Variants in NPR3 observed in about 807,000 individuals in gnomAD.
NPR3 encodes the protein atrial natriuretic peptide receptor 3.
In NPR3, 34 loss-of-function variants were observed where a neutral mutation model predicts 54.5. The ratio of observed to expected loss-of-function variants is 0.62; its 90% CI spans 0.47 to 0.83. The LOEUF is 0.83. Among genes scored for constraint, NPR3 ranks in the 40% least tolerant of loss-of-function variants. The pLI is 0.00. For missense variants in NPR3, 674 were observed against 720.8 expected (o/e 0.94, Z 0.74); for synonymous variants, 289 against 297.1 (o/e 0.97, Z 0.28).
chr5:32,729,778 A>C (rs1561091237), intron 2 of NPR3, among the ~76,000 whole-genome samples: 1 of 152,216 alleles, frequency 6.6e-6, no homozygotes, highest in Non-Finnish European at 1.5e-5. Flanking sequence ...ATATTCTGAG[A>C]CTGCTGTCAT....
chr5:32,756,933 T>G (rs560714135), intron 3 of NPR3, among the ~76,000 whole-genome samples: 3 of 152,234 alleles, frequency 2.0e-5, no homozygotes, highest in Non-Finnish European at 1.5e-5. Context: ...GTATTATTTC[T>G]GAGGGCTCTG....
intron 2 of NPR3, among the ~76,000 whole-genome samples, chr5:32,735,261 G>A (rs895206912): frequency 2.0e-5 from 3 of 152,000 alleles, no homozygotes; most frequent in African/African-American, 7.3e-5. Flanking sequence ...TCCTCCATCT[G>A]GCTCTGCTGC....
Position 32,697,189 on chromosome 5 carries a change from A to C in NPR3, c.100+8003A>C, listed in dbSNP as rs572126801. On this transcript the variant is annotated intron_variant, in intron 1 of 5. Coordinates refer to the NPR3 transcript ENST00000509104. ...TTTTTGAGGGCTTTTTAAATTGTGA[A>C]GGGATGTTGAATTATATTCAATGCT... 5.3e-5 allele frequency among the ~76,000 whole-genome samples: 8 copies of C among 152,232 alleles called. 1 individual carries two copies. The highest frequency in any genetic ancestry group is 3.4e-3 in the Middle Eastern group (1 of 294).
At chr5:32,769,981 G>T (rs1179877353) in intron 3 of NPR3, among the ~76,000 whole-genome samples, 2 of 152,204 alleles carry the variant, frequency 1.3e-5, no homozygotes, top group Admixed American at 1.3e-4. Flanking sequence ...AAGATAAACA[G>T]CAGCAACAAC....
intron 1 of NPR3, among the ~76,000 whole-genome samples, chr5:32,694,834 C>T (rs1163394742): frequency 6.6e-6 from 1 of 152,092 alleles, no homozygotes; most frequent in African/African-American, 2.4e-5. Flanking sequence ...CATTAACCAT[C>T]CCTATGTTCT....
intron 3 of NPR3, among the ~76,000 whole-genome samples, chr5:32,773,204 A>G (rs1741863587): frequency 6.6e-6 from 1 of 152,150 alleles, no homozygotes; most frequent in African/African-American, 2.4e-5. Flanking sequence ...TTGGCATTTC[A>G]TCACTGACAC....
chr5:32,737,451 T>C (rs1051868175), intron 2 of NPR3, among the ~76,000 whole-genome samples: 8 of 152,146 alleles, frequency 5.3e-5, no homozygotes, highest in Admixed American at 1.3e-4. Context: ...TCAGGAAGAG[T>C]AGAGTGAGTG....
At chr5:32,729,027 T>TG (rs1554014404) in intron 2 of NPR3, among the ~76,000 whole-genome samples, 13 of 96,378 alleles carry the variant, frequency 1.3e-4, no homozygotes, top group African/African-American at 4.5e-4. Flanking sequence ...TTTTTTTTTT[T>TG]TTGTTTTGTT....
chr5:32,735,931 C>A (rs1171212907), intron 2 of NPR3, among the ~76,000 whole-genome samples: 1 of 151,956 alleles, frequency 6.6e-6, no homozygotes, highest in African/African-American at 2.4e-5. Context: ...TTCATTTTTT[C>A]TAGGAAGCAA....
At chr5:32,770,206 C>T (rs767072961) in intron 3 of NPR3, among the ~76,000 whole-genome samples, 8 of 151,858 alleles carry the variant, frequency 5.3e-5, no homozygotes, top group Non-Finnish European at 8.8e-5. Context: ...CTAAGGTGGG[C>T]GGGTCACTTG....
At chr5:32,719,900 A>G (rs185572961) in intron 1 of NPR3, among the ~76,000 whole-genome samples, 1 of 150,804 alleles carries the variant, frequency 6.6e-6, no homozygotes, top group African/African-American at 2.4e-5. Flanking sequence ...GACATGGCAT[A>G]CTCTGCTTTG....
Position 32,791,006 on chromosome 5 carries a change from G to A in NPR3, c.*4661G>A, listed in dbSNP as rs977966216. The stretch of plus-strand genomic sequence containing the variant: ...CTTACCAAGTGTAAATCACAACATA[G>A]GCTACCAAAATATTTCTTATTTGCT... On this transcript the variant is annotated 3_prime_UTR_variant, in exon 8 of 8. Transcript: ENST00000265074. 1 of 167,070 alleles carries A rather than the reference G, an allele frequency of 6.0e-6. No individual in the cohort carries two copies. Among genetic ancestry groups the A allele is most frequent in the African/African-American group, 2.4e-5 (1 of 41,432 alleles). The allele number at this position is 167,070 out of a possible 1,614,324, so 10.3% of individuals were successfully genotyped here.
chr5:32,762,351 T>A (rs1741221506), intron 3 of NPR3, among the ~76,000 whole-genome samples: 1 of 151,706 alleles, frequency 6.6e-6, no homozygotes. Flanking sequence ...TGGTTCTAGA[T>A]CCTTGAGGAA....
intron 1 of NPR3, chr5:32,713,100 C>A: frequency 1.2e-6 from 1 of 861,008 alleles, no homozygotes; most frequent in Non-Finnish European, 1.4e-6. Flanking sequence ...TCACTCTTCT[C>A]ATTCCTTTCA....
upstream of NPR3, chr5:32,710,252 A>G (rs114416505): frequency 0.013 from 1,949 of 152,560 alleles, 49 homozygotes; most frequent in African/African-American, 0.043. Context: ...GCGGAACCCC[A>G]GCACAGTGCC....
chr5:32,711,326 G>C lies in NPR3; in HGVS notation c.-451G>C, dbSNP rs534582853. ...GGGCTATGGATCCAGGAACCGGCGC[G>C]AATCAATGAGATCAAATGCGAGGGA... On this transcript the variant is annotated 5_prime_UTR_variant, in exon 1 of 8. Transcript: ENST00000265074. The C allele has an allele frequency of 1.0e-6, 1 of 986,144 alleles. No homozygotes were observed. Among genetic ancestry groups the C allele is most frequent in the East Asian group, 1.1e-4 (1 of 8,812 alleles). 61.1% of individuals were successfully genotyped at this position (986,144 alleles called of 1,614,324 possible). A position where few individuals can be genotyped will look rare whatever the true frequency, so the allele number is the denominator to read the frequency against.
chr5:32,739,167 G>C (rs912359697), intron 3 of NPR3, 137 bp downstream of exon 3: 3 of 532,016 alleles, frequency 5.6e-6, no homozygotes, highest in African/African-American at 4.0e-5. Context: ...GTTGCCTTCT[G>C]TGTGTGTGTG....
Position 32,786,083 on chromosome 5 carries a change from C to T in NPR3, c.1515-151C>T. 3 of 564,928 alleles carry T rather than the reference C, an allele frequency of 5.3e-6. No individual in the cohort carries two copies. In the South Asian group the frequency reaches 7.8e-5, roughly 15 times the overall value. 35.0% of individuals were successfully genotyped at this position (564,928 alleles called of 1,614,324 possible). A position where few individuals can be genotyped will look rare whatever the true frequency, so the allele number is the denominator to read the frequency against. On this transcript the variant is annotated intron_variant, in intron 7 of 7. Transcript: ENST00000265074. ...AATAAGGGCACCATGCCTGGGGGCACACTACTTTAATCTCTGACCAGGGTT... is the reference window on the plus strand; with the variant it reads ...AATAAGGGCACCATGCCTGGGGGCATACTACTTTAATCTCTGACCAGGGTT...
At chr5:32,692,838 G>A (rs1410479776) in intron 1 of NPR3, among the ~76,000 whole-genome samples, 1 of 152,188 alleles carries the variant, frequency 6.6e-6, no homozygotes, top group African/African-American at 2.4e-5. Context: ...AATTAAGTAT[G>A]GATTGGGGGT....
Sources: allele counts gnomAD v4.1 joint callset (sites outside exome capture counted in the v4.1 genomes callset), GRCh38; gene constraint gnomAD v4.1.1; transcripts MANE v1.5; gene names NCBI Gene and HGNC (gene_info 2026-07-23, HGNC 2026-07-21).